SNTG1: variants seen among roughly 807,000 people sequenced by gnomAD.
The protein encoded by SNTG1 is gamma-1-syntrophin.
In SNTG1, 39 loss-of-function variants were observed where a neutral mutation model predicts 74.7. That is an observed-to-expected ratio of 0.52 (90% CI 0.40 to 0.68). The LOEUF is 0.68. Among genes scored for constraint, SNTG1 ranks in the 30% least tolerant of loss-of-function variants. The probability of loss-of-function intolerance (pLI) is 0.00; values close to 1 mark genes in which losing one functional copy is unlikely to be tolerated. For missense variants in SNTG1, 685 were observed against 609.5 expected, an observed-to-expected ratio of 1.12 and a Z score of -1.30; for synonymous variants, 254 against 217.1, an observed-to-expected ratio of 1.17 and a Z score of -1.49.
intron 2 of SNTG1, among the ~76,000 whole-genome samples, chr8:50,368,384 A>T (rs766258995): frequency 6.6e-6 from 1 of 152,204 alleles, no homozygotes; most frequent in Non-Finnish European, 1.5e-5. Context: ...TATGGATTAA[A>T]GAAGGATTTG....
chr8:50,705,285 C>T (rs1241707126), intron 16 of SNTG1, among the ~76,000 whole-genome samples: 1 of 151,868 alleles, frequency 6.6e-6, no homozygotes, highest in East Asian at 1.9e-4. Context: ...TCAAACAACT[C>T]TTCTTCTCAC....
intron 2 of SNTG1, among the ~76,000 whole-genome samples, chr8:50,378,030 G>A (rs572303398): frequency 6.6e-6 from 1 of 152,170 alleles, no homozygotes; most frequent in Non-Finnish European, 1.5e-5. Context: ...GGCTCGTTCC[G>A]CCCACTCGGC....
intron 2 of SNTG1, among the ~76,000 whole-genome samples, chr8:50,337,098 T>C (rs2091167924): frequency 6.6e-6 from 1 of 152,194 alleles, no homozygotes; most frequent in African/African-American, 2.4e-5. Flanking sequence ...AAATGAGGAA[T>C]CAGGCTGCTT....
At chr8:50,409,521 C>A (rs1170938134) in intron 4 of SNTG1, among the ~76,000 whole-genome samples, 1 of 152,182 alleles carries the variant, frequency 6.6e-6, no homozygotes. Context: ...AGTAAAGTGA[C>A]TGTTGATCAG....
In SNTG1 at chr8:50,407,773, GC is replaced by G. The variant is rs567797566; in HGVS notation, c.162+5431del. ...CAGGAGATATTTCTCAAATCTCTCT[GC>G]CTGGAAATTTGAAGACTAGCGTTTT... On this transcript the variant is annotated intron_variant, in intron 4 of 18. Transcript: ENST00000642720. Among the ~76,000 whole-genome samples the G allele has an allele frequency of 1.3e-3, 202 of 152,296 alleles. 4 individuals carry two copies. The highest frequency in any genetic ancestry group is 2.0e-3 in the Non-Finnish European group (138 of 68,024).
intron 12 of SNTG1, among the ~76,000 whole-genome samples, chr8:50,581,250 A>G (rs2094607959): frequency 4.6e-5 from 7 of 152,240 alleles, no homozygotes. Flanking sequence ...GCTCTGCAAC[A>G]AAGGAGGTAG....
intron 12 of SNTG1, among the ~76,000 whole-genome samples, chr8:50,572,279 G>T (rs2392701): frequency 0.25 from 36,158 of 142,594 alleles, 4,716 homozygotes; most frequent in South Asian, 0.3. Context: ...TATATATAGA[G>T]AGAGAGAGAG....
intron 15 of SNTG1, among the ~76,000 whole-genome samples, chr8:50,682,191 G>A (rs780535206): frequency 3.9e-5 from 6 of 152,182 alleles, no homozygotes; most frequent in Non-Finnish European, 8.8e-5. Flanking sequence ...GACAGGGAGG[G>A]TAAGGGGTTC....
chr8:50,414,513 G>A (rs1268256935), intron 4 of SNTG1, among the ~76,000 whole-genome samples: 1 of 152,006 alleles, frequency 6.6e-6, no homozygotes, highest in Non-Finnish European at 1.5e-5. Flanking sequence ...GGCCCTGAAT[G>A]TTTGCCTTTG....
At chr8:50,222,121 A>G (rs1255020637) in intron 2 of SNTG1, among the ~76,000 whole-genome samples, 1 of 152,194 alleles carries the variant, frequency 6.6e-6, no homozygotes, top group Admixed American at 6.5e-5. Context: ...AAAGCCAGAA[A>G]AGACATATCA....
chr8:50,632,470 C>A (rs1422078059), intron 13 of SNTG1, among the ~76,000 whole-genome samples: 1 of 151,984 alleles, frequency 6.6e-6, no homozygotes, highest in East Asian at 1.9e-4. Context: ...ACCACCACAC[C>A]CAGCTAATTT....
At chr8:50,376,410 T>A (rs765083587) in intron 2 of SNTG1, among the ~76,000 whole-genome samples, 1 of 152,116 alleles carries the variant, frequency 6.6e-6, no homozygotes, top group Non-Finnish European at 1.5e-5. Context: ...ACTTGCATAA[T>A]GATAATAATT....
At chr8:49,982,728 A>T (rs980399032) in intron 1 of SNTG1, among the ~76,000 whole-genome samples, 2 of 152,108 alleles carry the variant, frequency 1.3e-5, no homozygotes, top group African/African-American at 2.4e-5. Context: ...AAAAAAATAG[A>T]TGGCTTAACC....
intron 2 of SNTG1, among the ~76,000 whole-genome samples, chr8:50,176,494 T>C (rs956740326): frequency 6.6e-6 from 1 of 152,172 alleles, no homozygotes; most frequent in African/African-American, 2.4e-5. Context: ...ATTTCTCTTG[T>C]TTCCTGGATC....
At chr8:50,038,525 T>G (rs1017760206) in intron 1 of SNTG1, among the ~76,000 whole-genome samples, 1 of 152,182 alleles carries the variant, frequency 6.6e-6, no homozygotes, top group African/African-American at 2.4e-5. Flanking sequence ...TTGCATTCCT[T>G]TTATATTACT....
At chr8:50,736,362 G>A (rs2095528690) in intron 17 of SNTG1, among the ~76,000 whole-genome samples, 1 of 151,906 alleles carries the variant, frequency 6.6e-6, no homozygotes, top group Admixed American at 6.6e-5. Context: ...AGGGATCAAT[G>A]CAACAAGAAG....
chr8:50,076,522 G>GA (rs1334520961), intron 1 of SNTG1, among the ~76,000 whole-genome samples: 1 of 152,028 alleles, frequency 6.6e-6, no homozygotes, highest in Non-Finnish European at 1.5e-5. Flanking sequence ...CTATTAAAAT[G>GA]AAAAACTGCT....
At chr8:50,599,961 T>C (rs2094760675) in intron 13 of SNTG1, among the ~76,000 whole-genome samples, 1 of 152,122 alleles carries the variant, frequency 6.6e-6, no homozygotes, top group Non-Finnish European at 1.5e-5. Context: ...TACATGGATT[T>C]TATCATGTTG....
At chr8:49,941,624 C>T (rs1362786729) in intron 1 of SNTG1, among the ~76,000 whole-genome samples, 3 of 151,844 alleles carry the variant, frequency 2.0e-5, no homozygotes, top group South Asian at 2.1e-4. Context: ...GCCTGGCCTG[C>T]GGCCTGAGTG....
Sources: gnomAD v4.1 joint callset for allele counts (sites outside exome capture counted in the v4.1 genomes callset) on GRCh38, gnomAD v4.1.1 for gene constraint, MANE v1.5 for transcripts, NCBI Gene and HGNC (gene_info 2026-07-23, HGNC 2026-07-21) for gene names.